The following TCEANC2 variants were observed in gnomAD, a reference collection of about 807,000 sequenced individuals.
TCEANC2 encodes the protein transcription elongation factor A N-terminal and central domain-containing protein 2.
TCEANC2 carries 20 observed loss-of-function variants against 22.8 expected under a neutral mutation model. The ratio of observed to expected loss-of-function variants is 0.88; its 90% CI spans 0.62 to 1.28. The LOEUF is 1.28. TCEANC2 is among the 50% of genes most tolerant of loss of function. TCEANC2 has a pLI of 0.00. For synonymous variants in TCEANC2, 84 were observed against 95.5 expected (o/e 0.88, Z 0.70); for missense variants, 251 against 249.7 (o/e 1.01, Z -0.03).
rs1357164956 is a variant in TCEANC2 at position 54,068,797 on chromosome 1, G to A, written c.144G>A (p.Met48Ile). ...AAGACATAAAAAGATGGAAAACTATGCTGGAGCTTCCTGATCAAACCAAAG... is the reference window on the plus strand; with the variant it reads ...AAGACATAAAAAGATGGAAAACTATACTGGAGCTTCCTGATCAAACCAAAG... ...VVEDIKRWKTMLELPDQTKEN... is the reference protein window; with the variant it reads ...VVEDIKRWKTILELPDQTKEN... Residue 48 changes from methionine to isoleucine, a missense_variant, in exon 3 of 5, where the codon ATG becomes ATA. Transcript: ENST00000234827. 3 of 1,611,128 alleles carry A rather than the reference G, an allele frequency of 1.9e-6. No homozygotes were observed. The African/African-American group carries it at 4.0e-5, about 22-fold the overall frequency.
chr1:54,057,451 G>C (rs551993360), intron 2 of TCEANC2, among the ~76,000 whole-genome samples: 1 of 143,232 alleles, frequency 7.0e-6, no homozygotes, highest in Non-Finnish European at 1.5e-5. Flanking sequence ...TTGGCCTCCT[G>C]AAGTGCTGGG....
rs559488195 is a variant in TCEANC2 at position 54,081,260 on chromosome 1, TACTC to T, written c.245-7336_245-7333del. On this transcript the variant is annotated intron_variant, in intron 3 of 4. Coordinates refer to ENST00000234827, the MANE Select transcript of TCEANC2 (RefSeq NM_153035.3). ...TATAATTTTTTTAGGGACAGGGTCT[TACTC>T]TATCATCCAGGCTGAGTGCAATGGC... is the stretch of plus-strand genomic sequence containing the variant. Among the ~76,000 whole-genome samples the T allele has an allele frequency of 3.3e-5, 5 of 152,260 alleles. No individual in the cohort carries two copies. In the South Asian group the frequency reaches 1.0e-3, roughly 32 times the overall value.
At chr1:54,079,851 T>C (rs1420751104) in intron 3 of TCEANC2, among the ~76,000 whole-genome samples, 4 of 152,228 alleles carry the variant, frequency 2.6e-5, no homozygotes, top group Admixed American at 2.6e-4. Context: ...CAAATTATGC[T>C]ATGTGTTTCA....
intron 2 of TCEANC2, among the ~76,000 whole-genome samples, chr1:54,057,663 A>G (rs1409480176): frequency 2.0e-5 from 3 of 152,136 alleles, no homozygotes; most frequent in Non-Finnish European, 4.4e-5. Context: ...CACCAGAGAA[A>G]TATGTCTCAA....
In TCEANC2 at chr1:54,102,976, G is replaced by C. The variant is rs1005604906; in HGVS notation, c.*6503G>C. Reference sequence around the variant, plus strand: ...ATGGGCAGTGGTGAATGGCTTGGCTGGTTGGTAAGGGGTCTGAAAGGAATA... The same window carrying C: ...ATGGGCAGTGGTGAATGGCTTGGCTCGTTGGTAAGGGGTCTGAAAGGAATA... On this transcript the variant is annotated 3_prime_UTR_variant, in exon 5 of 5. Transcript: ENST00000234827. 2 of 152,444 alleles carry C rather than the reference G, an allele frequency of 1.3e-5. No homozygotes were observed. Among genetic ancestry groups the C allele is most frequent in the Admixed American group, 6.5e-5 (1 of 15,290 alleles). 9.4% of individuals were successfully genotyped at this position (152,444 alleles called of 1,614,324 possible). A position where few individuals can be genotyped will look rare whatever the true frequency, so the allele number is the denominator to read the frequency against.
At chr1:54,068,519 A>G (rs542842456) in intron 2 of TCEANC2, among the ~76,000 whole-genome samples, 1 of 152,288 alleles carries the variant, frequency 6.6e-6, no homozygotes, top group East Asian at 1.9e-4. Context: ...GGTGTCTGAG[A>G]TGGTAAAATT....
rs1262513790 is a variant in TCEANC2 at position 54,100,491 on chromosome 1, A to G, written c.*4018A>G. ...AGCATATTGGGTGATAACTATAGAC[A>G]TGAAAATATTGAGAAGATGGGGAAA... On this transcript the variant is annotated 3_prime_UTR_variant, in exon 5 of 5. Transcript: ENST00000234827. The G allele has an allele frequency of 6.6e-6, 1 of 152,226 alleles. No individual in the cohort carries two copies. Among genetic ancestry groups the G allele is most frequent in the Non-Finnish European group, 1.5e-5 (1 of 68,042 alleles). The allele number at this position is 152,226 out of a possible 1,614,324, so 9.4% of individuals were successfully genotyped here.
chr1:54,094,191 T>C (rs553409788), intron 4 of TCEANC2, among the ~76,000 whole-genome samples: 1 of 152,322 alleles, frequency 6.6e-6, no homozygotes, highest in South Asian at 2.1e-4. Flanking sequence ...GGCCTGGATA[T>C]TCACTCTCTC....
rs1175167342 is a variant in TCEANC2 at position 54,104,430 on chromosome 1, T to A, written c.*7957T>A. On this transcript the variant is annotated 3_prime_UTR_variant, in exon 5 of 5. Transcript: ENST00000234827. The stretch of plus-strand genomic sequence containing the variant: ...TCACCATTCTTTGAGGGATAATTAA[T>A]CCTGATCATCAGGAGGAGGTACAGC... 3.0e-6 allele frequency: 1 copy of A among 337,228 alleles called. No individual in the cohort carries two copies. The highest frequency in any genetic ancestry group is 2.4e-5 in the South Asian group (1 of 41,930). 20.9% of individuals were successfully genotyped at this position (337,228 alleles called of 1,614,324 possible).
chr1:54,091,784 C>T (rs1441460830), intron 4 of TCEANC2, among the ~76,000 whole-genome samples: 2 of 152,194 alleles, frequency 1.3e-5, no homozygotes, highest in Non-Finnish European at 2.9e-5. Flanking sequence ...CTCATATGAA[C>T]ATCCCCTGTG....
At chr1:54,072,247 ACT>A (rs1658070560) in intron 3 of TCEANC2, among the ~76,000 whole-genome samples, 1 of 151,874 alleles carries the variant, frequency 6.6e-6, no homozygotes, top group South Asian at 2.1e-4. Flanking sequence ...TCCTTGTCTG[ACT>A]CAGCATTGTG....
chr1:54,063,262 T>C (rs1657891434), intron 2 of TCEANC2, among the ~76,000 whole-genome samples: 1 of 152,078 alleles, frequency 6.6e-6, no homozygotes, highest in Non-Finnish European at 1.5e-5. Context: ...GCTAGAAAAA[T>C]TCCATCCACT....
At chr1:54,112,187 C>CAA (rs774308625) in exon 5 of TCEANC2, 2 of 24,888 alleles carry the variant, frequency 8.0e-5, no homozygotes, top group East Asian at 1.3e-3. Context: ...TACAAAACAA[C>CAA]AACAACAACA....
intron 2 of TCEANC2, among the ~76,000 whole-genome samples, chr1:54,059,386 A>C (rs989078218): frequency 1.3e-5 from 2 of 151,886 alleles, no homozygotes; most frequent in African/African-American, 4.8e-5. Flanking sequence ...TCTTGACCTC[A>C]GGTGATCCAC....
In TCEANC2 at chr1:54,095,639, G is replaced by A. The variant is rs147809337; in HGVS notation, c.439-646G>A. ...GCTCTGCTTAATGGAAACTGTAGGC[G>A]TCTCTCCAATCTCAACCATTCTCTC... On this transcript the variant is annotated intron_variant, in intron 4 of 4. Coordinates refer to ENST00000234827, the MANE Select transcript of TCEANC2 (RefSeq NM_153035.3). 3.9e-5 allele frequency among the ~76,000 whole-genome samples: 6 copies of A among 152,284 alleles called. No homozygotes were observed. In the East Asian group the frequency reaches 1.2e-3, roughly 29 times the overall value.
chr1:54,054,376 A>T lies in TCEANC2; in HGVS notation c.-42-5A>T, dbSNP rs765352153. On this transcript the variant is annotated splice_polypyrimidine_tract_variant and splice_region_variant and intron_variant, in intron 1 of 4. Coordinates refer to ENST00000234827, the MANE Select transcript of TCEANC2 (RefSeq NM_153035.3). ...GTTTTAGAATCTGCCCTCTTTCTTG[A>T]CCAGAACACGCTGCAAGCACGTCAA... is the stretch of plus-strand genomic sequence containing the variant. The T allele has an allele frequency of 7.0e-5, 113 of 1,610,956 alleles. No homozygotes were observed. The East Asian group carries it at 8.7e-4, about 12-fold the overall frequency.
chr1:54,081,841 C>A (rs1271084070), intron 3 of TCEANC2, among the ~76,000 whole-genome samples: 1 of 152,156 alleles, frequency 6.6e-6, no homozygotes, highest in Non-Finnish European at 1.5e-5. Flanking sequence ...GATGTACTGC[C>A]CCCTGCAGGC....
chr1:54,083,737 T>C (rs1000133245), intron 3 of TCEANC2, among the ~76,000 whole-genome samples: 1 of 152,174 alleles, frequency 6.6e-6, no homozygotes. Context: ...TTTGTTGACA[T>C]GTTGAGCCAG....
intron 2 of TCEANC2, 75 bp from the exon 3 acceptor site, chr1:54,068,681 C>T (rs1657999913): frequency 7.0e-7 from 1 of 1,436,868 alleles, no homozygotes; most frequent in South Asian, 1.5e-5. Flanking sequence ...AATAGGAGCC[C>T]CATTAGCTCA....
Sources: allele counts gnomAD v4.1 joint callset (sites outside exome capture counted in the v4.1 genomes callset), GRCh38; gene constraint gnomAD v4.1.1; transcripts MANE v1.5; gene names NCBI Gene and HGNC (gene_info 2026-07-23, HGNC 2026-07-21).